IGF2BP2: variants seen among roughly 807,000 people sequenced by gnomAD.
The protein encoded by IGF2BP2 is insulin like growth factor 2 mRNA binding protein 2.
IGF2BP2 carries 17 observed loss-of-function variants against 75.8 expected under a neutral mutation model. That is an observed-to-expected ratio of 0.22 (90% CI 0.15 to 0.34). The LOEUF (loss-of-function observed/expected upper bound fraction) is 0.34, where lower values mean the gene tolerates loss of function less well. IGF2BP2 is among the 10% of genes least tolerant of loss of function. The pLI, the probability that IGF2BP2 is intolerant of heterozygous loss-of-function variation, is 1.00. For synonymous variants in IGF2BP2, 288 were observed against 295.6 expected (o/e 0.97, Z 0.26); for missense variants, 516 against 772.4 (o/e 0.67, Z 3.93).
At chr3:185,705,441 A>G (rs941013051) in intron 2 of IGF2BP2, among the ~76,000 whole-genome samples, 1 of 152,134 alleles carries the variant, frequency 6.6e-6, no homozygotes, top group Non-Finnish European at 1.5e-5. Context: ...GAACCCAGTA[A>G]CTTCCCTGGC....
chr3:185,667,843 A>G (rs1270198373), intron 10 of IGF2BP2, among the ~76,000 whole-genome samples: 1 of 152,180 alleles, frequency 6.6e-6, no homozygotes, highest in Non-Finnish European at 1.5e-5. Context: ...CCTATGTCAC[A>G]CAAGTCTATT....
intron 6 of IGF2BP2, among the ~76,000 whole-genome samples, chr3:185,688,544 T>C (rs1721470372): frequency 6.6e-6 from 1 of 152,216 alleles, no homozygotes; most frequent in Non-Finnish European, 1.5e-5. Context: ...GGTTTCACCA[T>C]GTTAGCCAGG....
chr3:185,661,212 G>A (rs1336042832), intron 10 of IGF2BP2, among the ~76,000 whole-genome samples: 2 of 152,130 alleles, frequency 1.3e-5, no homozygotes, highest in Non-Finnish European at 2.9e-5. Context: ...CAGAAGATCT[G>A]AGTCTCTGAA....
At position 185,811,830 on chromosome 3, in the gene IGF2BP2, G is replaced by GTCTCTCTCTCTC. The variant is rs58208457; in HGVS notation, c.239+11311_239+11322dup. Among the ~76,000 whole-genome samples, 828 of 120,692 alleles carry GTCTCTCTCTCTC rather than the reference G, an allele frequency of 6.9e-3. 17 individuals are homozygous for GTCTCTCTCTCTC. Among genetic ancestry groups the GTCTCTCTCTCTC allele is most frequent in the Non-Finnish European group, 0.011 (624 of 56,878 alleles). The allele number at this position is 120,692 out of a possible 152,430, so 79.2% of individuals were successfully genotyped here. On this transcript the variant is annotated intron_variant, in intron 2 of 15. Transcript: ENST00000382199. ...CAGGGGACGGTGCTCAGAGTAGGGT[G>GTCTCTCTCTCTC]TCTCTCTCTCTCTCTCTCTCTCTCT...
intron 9 of IGF2BP2, among the ~76,000 whole-genome samples, chr3:185,674,850 G>A (rs1003269798): frequency 4.0e-5 from 6 of 151,666 alleles, no homozygotes; most frequent in African/African-American, 1.5e-4. Flanking sequence ...TTCTTATTTA[G>A]AGATGGGGTC....
chr3:185,812,928 A>G (rs1740103415), intron 2 of IGF2BP2, among the ~76,000 whole-genome samples: 1 of 152,244 alleles, frequency 6.6e-6, no homozygotes. Flanking sequence ...CACAATCGAT[A>G]CTTGTGAACT....
Position 185,808,132 on chromosome 3 carries a change from A to G in IGF2BP2, c.239+15021T>C, listed in dbSNP as rs577612460. 9.1e-3 allele frequency among the ~76,000 whole-genome samples: 1,176 copies of G among 128,710 alleles called. 19 individuals carry two copies. The highest frequency in any genetic ancestry group is 0.028 in the Admixed American group (352 of 12,504). 84.4% of individuals were successfully genotyped at this position (128,710 alleles called of 152,430 possible). A position where few individuals can be genotyped will look rare whatever the true frequency, so the allele number is the denominator to read the frequency against. ...TCGTTTCTTTTAAAAAAAAAAAAAA[A>G]AAAGAAAGAAAGAAAGAAAGAAACA... On this transcript the variant is annotated intron_variant, in intron 2 of 15. Coordinates refer to ENST00000382199, the MANE Select transcript of IGF2BP2 (RefSeq NM_006548.6).
chr3:185,808,120 AAAAAAAAAAAAAAAAG>A (rs199922967), intron 2 of IGF2BP2, among the ~76,000 whole-genome samples: 6,968 of 120,300 alleles, frequency 0.058, 199 homozygotes, highest in South Asian at 0.12. Flanking sequence ...TTTCTTTTAA[AAAAAAAAAAAAAAAAG>A]AAAGAAAGAA....
chr3:185,821,006 C>T, intron 2 of IGF2BP2: 1 of 1,535,486 alleles, frequency 6.5e-7, no homozygotes. Context: ...TCAAATGTCA[C>T]AGTACCCTGG....
chr3:185,675,493 A>G (rs1719192042), intron 8 of IGF2BP2, 62 bp from the exon 9 acceptor site: 1 of 1,577,564 alleles, frequency 6.3e-7, no homozygotes, highest in African/African-American at 1.4e-5. Context: ...TGCCCAAAAA[A>G]TAAAAAAATC....
chr3:185,676,574 G>A (rs1017726905), intron 7 of IGF2BP2, among the ~76,000 whole-genome samples: 2 of 151,832 alleles, frequency 1.3e-5, no homozygotes, highest in African/African-American at 4.8e-5. Context: ...TACTTGGGAG[G>A]CTGAGGTGGG....
intron 2 of IGF2BP2, among the ~76,000 whole-genome samples, chr3:185,811,863 TCTCTCTCTCTCTCTCC>T (rs753658221): frequency 0.081 from 10,288 of 127,378 alleles, 1,193 homozygotes; most frequent in African/African-American, 0.3. Flanking sequence ...TCTCTCTCTC[TCTCTCTCTCTCTCTCC>T]CCCTCTCCCT....
chr3:185,734,024 T>TA (rs1279942727), intron 2 of IGF2BP2, among the ~76,000 whole-genome samples: 1 of 152,136 alleles, frequency 6.6e-6, no homozygotes, highest in East Asian at 1.9e-4. Context: ...AATCCCACAG[T>TA]AACAACACTG....
At chr3:185,684,930 A>T (rs549825148) in intron 7 of IGF2BP2, among the ~76,000 whole-genome samples, 1 of 152,062 alleles carries the variant, frequency 6.6e-6, no homozygotes, top group African/African-American at 2.4e-5. Flanking sequence ...GCACTGAAAA[A>T]TTTTTTTTCT....
intron 2 of IGF2BP2, among the ~76,000 whole-genome samples, chr3:185,768,638 T>C (rs1733427879): frequency 6.6e-6 from 1 of 152,260 alleles, no homozygotes; most frequent in African/African-American, 2.4e-5. Context: ...CAGCAATTTG[T>C]AGATTCAGAT....
chr3:185,775,226 TCAGTAAATGATGG>T (rs1471193101), intron 2 of IGF2BP2, among the ~76,000 whole-genome samples: 1 of 152,214 alleles, frequency 6.6e-6, no homozygotes, highest in East Asian at 1.9e-4. Context: ...TTGTGAGAGC[TCAGTAAATGATGG>T]CAGTAATAAC....
chr3:185,681,217 GAATA>G (rs1163659703), intron 7 of IGF2BP2, among the ~76,000 whole-genome samples: 3 of 152,116 alleles, frequency 2.0e-5, no homozygotes, highest in Admixed American at 6.5e-5. Context: ...AAAAAGGTTA[GAATA>G]AATTCAGCAA....
chr3:185,800,288 A>C (rs1298567263), intron 2 of IGF2BP2, among the ~76,000 whole-genome samples: 10 of 152,016 alleles, frequency 6.6e-5, no homozygotes, highest in Admixed American at 6.6e-4. Flanking sequence ...AGAGTGGGGG[A>C]CTGGGGGAGG....
chr3:185,778,312 C>T (rs1331766704), intron 2 of IGF2BP2, among the ~76,000 whole-genome samples: 2 of 152,114 alleles, frequency 1.3e-5, no homozygotes, highest in African/African-American at 4.8e-5. Flanking sequence ...GCCAATTAAC[C>T]TAATGTGTGC....
Sources: gnomAD v4.1 joint callset for allele counts (sites outside exome capture counted in the v4.1 genomes callset) on GRCh38, gnomAD v4.1.1 for gene constraint, MANE v1.5 for transcripts, NCBI Gene and HGNC (gene_info 2026-07-23, HGNC 2026-07-21) for gene names.